FAM120C: variants seen among roughly 807,000 people sequenced by gnomAD.
FAM120C encodes the protein family with sequence similarity 120 member C, also known as constitutive coactivator of PPAR-gamma-like protein 2.
Under a neutral mutation model 71.2 loss-of-function variants are expected in FAM120C, and 14 were observed. The observed-to-expected ratio is 0.20, with a 90% confidence interval of 0.13 to 0.31. The LOEUF is 0.31. FAM120C is among the 10% of genes least tolerant of loss of function. The pLI, the probability that FAM120C is intolerant of heterozygous loss-of-function variation, is 1.00. For missense variants in FAM120C, 500 were observed against 879.0 expected, an observed-to-expected ratio of 0.57 and a Z score of 5.45; for synonymous variants, 354 against 353.2, an observed-to-expected ratio of 1.00 and a Z score of -0.03.
At position 54,135,584 on chromosome X, in the gene FAM120C, C is replaced by G; in HGVS notation, c.1279G>C (p.Gly427Arg). Residue 427 changes from glycine to arginine, a missense_variant, in exon 6 of 16, where the codon GGA becomes CGA. Coordinates refer to ENST00000375180, the MANE Select transcript of FAM120C (RefSeq NM_017848.6). ...SFLGFRNNRL[G>R]NPPLPRNQVG... ...TGATTTCGTGGAAGGGGAGGATTTC[C>G]AAGCCTATTATTCCGAAAACCTGAA... The G allele has an allele frequency of 8.3e-7, 1 of 1,209,618 alleles. No individual in the cohort carries two copies. Among genetic ancestry groups the G allele is most frequent in the Non-Finnish European group, 1.1e-6 (1 of 894,349 alleles).
intron 4 of FAM120C, among the ~76,000 whole-genome samples, chrX:54,144,165 C>G (rs1199567888): frequency 1.8e-5 from 2 of 111,593 alleles, no homozygotes; most frequent in Middle Eastern, 4.6e-3. Context: ...GACGTTATCT[C>G]AAAATAATAA....
chrX:54,112,865 A>G (rs1603355158), intron 10 of FAM120C, among the ~76,000 whole-genome samples: 1 of 106,083 alleles, frequency 9.4e-6, no homozygotes, highest in African/African-American at 3.4e-5. Flanking sequence ...AATACAAAAT[A>G]CAAAATTAGC....
At chrX:54,181,216 C>A (rs1406557731) in intron 1 of FAM120C, among the ~76,000 whole-genome samples, 1 of 110,778 alleles carries the variant, frequency 9.0e-6, no homozygotes, top group Non-Finnish European at 1.9e-5. Context: ...GCTAAAATTT[C>A]TTTCCTCCTC....
At chrX:54,151,202 G>GT (rs2067182855) in intron 4 of FAM120C, 43 bp downstream of exon 4, 7 of 1,199,520 alleles carry the variant, frequency 5.8e-6, no homozygotes, top group Non-Finnish European at 7.9e-6. Flanking sequence ...GCTGAAGAAG[G>GT]TAAGAAAACG....
chrX:54,090,148 C>T (rs782332386), intron 11 of FAM120C, among the ~76,000 whole-genome samples: 1 of 110,248 alleles, frequency 9.1e-6, no homozygotes, highest in East Asian at 2.9e-4. Flanking sequence ...TCATGAATGG[C>T]TTGGTGCCCT....
chrX:54,167,910 GTGAGC>G (rs2067268355), intron 1 of FAM120C, among the ~76,000 whole-genome samples: 1 of 106,693 alleles, frequency 9.4e-6, no homozygotes, highest in Non-Finnish European at 1.9e-5. Context: ...GGAGGTTGCA[GTGAGC>G]TGAGATCGCG....
intron 1 of FAM120C, among the ~76,000 whole-genome samples, chrX:54,172,485 A>C (rs1224748852): frequency 8.9e-6 from 1 of 112,485 alleles, no homozygotes; most frequent in Non-Finnish European, 1.9e-5. Context: ...TCTTGGGTCC[A>C]ACAGTTCTTA....
chrX:54,079,339 C>T (rs1197154194), intron 15 of FAM120C, among the ~76,000 whole-genome samples: 4 of 109,252 alleles, frequency 3.7e-5, no homozygotes, highest in African/African-American at 6.7e-5. Flanking sequence ...ACTTGAGAGA[C>T]GGAGCTGCGA....
At chrX:54,134,118 G>A (rs1305010564) in intron 7 of FAM120C, 72 bp from the exon 8 acceptor site, 15 of 1,059,971 alleles carry the variant, frequency 1.4e-5, no homozygotes, top group Non-Finnish European at 1.9e-5. Context: ...TAAGATGCCT[G>A]TTCTGGACCC....
At chrX:54,130,245 G>A (rs2067059394) in intron 9 of FAM120C, among the ~76,000 whole-genome samples, 1 of 111,263 alleles carries the variant, frequency 9.0e-6, no homozygotes, top group African/African-American at 3.3e-5. Flanking sequence ...TTTGTCCAAC[G>A]CATAGTTTGC....
chrX:54,125,627 T>C (rs912580745), intron 9 of FAM120C, among the ~76,000 whole-genome samples: 1 of 113,246 alleles, frequency 8.8e-6, no homozygotes, highest in Non-Finnish European at 1.9e-5. Context: ...TTACTGTAGC[T>C]ACCTAGTAAG....
intron 1 of FAM120C, among the ~76,000 whole-genome samples, chrX:54,181,906 G>A (rs2067351994): frequency 8.9e-6 from 1 of 112,623 alleles, no homozygotes; most frequent in Non-Finnish European, 1.9e-5. Context: ...AATACTTGCT[G>A]AACAGTGACT....
chrX:54,175,156 CTTGT>C (rs1380113911), intron 1 of FAM120C, among the ~76,000 whole-genome samples: 4 of 111,688 alleles, frequency 3.6e-5, no homozygotes, highest in African/African-American at 1.3e-4. Context: ...GCCTATTTAT[CTTGT>C]TTGTTATTTT....
At chrX:54,099,868 G>A (rs782753109) in intron 10 of FAM120C, among the ~76,000 whole-genome samples, 2 of 111,676 alleles carry the variant, frequency 1.8e-5, no homozygotes, top group South Asian at 3.7e-4. Context: ...CTATACTTTT[G>A]TAGTAAATTT....
chrX:54,079,569 G>A (rs931249478), intron 15 of FAM120C, among the ~76,000 whole-genome samples: 3 of 112,433 alleles, frequency 2.7e-5, no homozygotes, highest in Non-Finnish European at 3.8e-5. Context: ...AGGCCGAGGC[G>A]AGTGGATTGC....
intron 1 of FAM120C, among the ~76,000 whole-genome samples, chrX:54,167,573 G>A (rs1302603351): frequency 1.8e-5 from 2 of 111,132 alleles, no homozygotes; most frequent in East Asian, 5.7e-4. Flanking sequence ...CTTAACTTGT[G>A]AGAAGTTATG....
intron 9 of FAM120C, among the ~76,000 whole-genome samples, chrX:54,129,748 G>C (rs1328746015): frequency 1.1e-3 from 119 of 112,411 alleles, no homozygotes; most frequent in Non-Finnish European, 1.7e-3. Context: ...CTGAGTGAAC[G>C]AGACTCCGTC....
chrX:54,132,674 A>T lies in FAM120C; in HGVS notation c.2062+18T>A. 1 of 1,181,746 alleles carries T rather than the reference A, an allele frequency of 8.5e-7. No individual in the cohort carries two copies. Among genetic ancestry groups the T allele is most frequent in the Non-Finnish European group, 1.1e-6 (1 of 878,441 alleles). On this transcript the variant is annotated intron_variant, in intron 9 of 15. Transcript: ENST00000375180. ...TGTCAAGTGCTGAGAGAATTGTCAT[A>T]GCTAGAACTACACTTACCTTCCACA...
chrX:54,152,829 G>T (rs2067190314), intron 3 of FAM120C, among the ~76,000 whole-genome samples: 1 of 112,224 alleles, frequency 8.9e-6, no homozygotes, highest in South Asian at 3.7e-4. Flanking sequence ...AAAAATCTCT[G>T]CCCTCATGGG....
Sources: allele counts gnomAD v4.1 joint callset (sites outside exome capture counted in the v4.1 genomes callset), GRCh38; gene constraint gnomAD v4.1.1; transcripts MANE v1.5; gene names NCBI Gene and HGNC (gene_info 2026-07-23, HGNC 2026-07-21).